Variants in FDX1 observed in about 807,000 individuals in gnomAD.
The protein encoded by FDX1 is ferredoxin 1, also known as adrenodoxin, mitochondrial.
In FDX1, 9 loss-of-function variants were observed where a neutral mutation model predicts 14.9. The ratio of observed to expected loss-of-function variants is 0.60; its 90% CI spans 0.36 to 1.05. The LOEUF is 1.05. FDX1 is among the 50% of genes least tolerant of loss of function. The probability of loss-of-function intolerance (pLI) is 0.01; values close to 1 mark genes in which losing one functional copy is unlikely to be tolerated. For synonymous variants in FDX1, 92 were observed against 99.4 expected, an observed-to-expected ratio of 0.93 and a Z score of 0.44; for missense variants, 204 against 237.2, an observed-to-expected ratio of 0.86 and a Z score of 0.92.
intron 2 of FDX1, among the ~76,000 whole-genome samples, chr11:110,446,457 C>T (rs1946450769): frequency 6.6e-6 from 1 of 152,204 alleles, no homozygotes; most frequent in Non-Finnish European, 1.5e-5. Context: ...CTTAAATTTA[C>T]ATCCTTAGCT....
At chr11:110,444,663 T>TATATAC (rs1190066293) in intron 2 of FDX1, among the ~76,000 whole-genome samples, 1 of 68,692 alleles carries the variant, frequency 1.5e-5, no homozygotes, top group Non-Finnish European at 2.5e-5. Flanking sequence ...TATATATATA[T>TATATAC]ACGTATATAT....
chr11:110,451,549 C>T (rs1394780952), intron 2 of FDX1, among the ~76,000 whole-genome samples: 1 of 152,118 alleles, frequency 6.6e-6, no homozygotes, highest in Non-Finnish European at 1.5e-5. Context: ...AGATTTAGAA[C>T]TGGAAATACA....
chr11:110,430,639 G>A (rs1215928425), intron 1 of FDX1, among the ~76,000 whole-genome samples: 18 of 152,226 alleles, frequency 1.2e-4, no homozygotes, highest in Admixed American at 1.2e-3. Context: ...TTCTCCGTGT[G>A]ATTTGTCTGG....
At chr11:110,444,687 CGTATATAT>C (rs1946431798) in intron 2 of FDX1, among the ~76,000 whole-genome samples, 1 of 29,530 alleles carries the variant, frequency 3.4e-5, no homozygotes, top group African/African-American at 2.1e-4. Context: ...TATATATACA[CGTATATAT>C]ATATATATAC....
intron 2 of FDX1, among the ~76,000 whole-genome samples, chr11:110,436,593 C>T (rs1404453925): frequency 6.8e-6 from 1 of 146,940 alleles, no homozygotes; most frequent in African/African-American, 2.5e-5. Flanking sequence ...CGCCCCCACC[C>T]CCGCCCCAGA....
At chr11:110,444,698 A>ATATACGTATATATATG (rs1946433306) in intron 2 of FDX1, among the ~76,000 whole-genome samples, 2 of 64,918 alleles carry the variant, frequency 3.1e-5, no homozygotes, top group Non-Finnish European at 5.7e-5. Flanking sequence ...GTATATATAT[A>ATATACGTATATATATG]TATATACGTA....
At chr11:110,444,641 T>C (rs1378930691) in intron 2 of FDX1, among the ~76,000 whole-genome samples, 2 of 115,644 alleles carry the variant, frequency 1.7e-5, no homozygotes, top group Non-Finnish European at 3.3e-5. Flanking sequence ...TATGTGTGTG[T>C]GTGTGTGTGT....
At position 110,430,015 on chromosome 11, in the gene FDX1, C is replaced by T. The variant is rs374764831; in HGVS notation, c.-106C>T. The stretch of plus-strand genomic sequence containing the variant: ...CACTCCAGCCCCGCGCCCCTCGCCG[C>T]GGCCCTCGGGCGTCTGCGCCGCAGC... On this transcript the variant is annotated 5_prime_UTR_variant, in exon 1 of 4. Coordinates refer to ENST00000260270, the MANE Select transcript of FDX1 (RefSeq NM_004109.5). 6.3e-3 allele frequency: 5,035 copies of T among 802,620 alleles called. 136 individuals are homozygous for T. The African/African-American group carries it at 0.07, about 11-fold the overall frequency. The allele number at this position is 802,620 out of a possible 1,614,324, so 49.7% of individuals were successfully genotyped here. A position where few individuals can be genotyped will look rare whatever the true frequency, so the allele number is the denominator to read the frequency against.
chr11:110,435,204 C>T (rs1450604844), intron 1 of FDX1, among the ~76,000 whole-genome samples: 2 of 151,904 alleles, frequency 1.3e-5, no homozygotes, highest in African/African-American at 4.8e-5. Flanking sequence ...GATCACATCA[C>T]CACACCTGGC....
intron 2 of FDX1, among the ~76,000 whole-genome samples, chr11:110,442,466 T>C (rs967596524): frequency 1.3e-5 from 2 of 152,222 alleles, no homozygotes; most frequent in African/African-American, 4.8e-5. Flanking sequence ...CAGTGTGACC[T>C]GGATGTGAGA....
intron 2 of FDX1, among the ~76,000 whole-genome samples, chr11:110,440,919 A>T (rs904711875): frequency 6.6e-6 from 1 of 152,196 alleles, no homozygotes; most frequent in Non-Finnish European, 1.5e-5. Context: ...TCCACACCCA[A>T]ATCTCATCTT....
chr11:110,430,798 G>C (rs1292031783), intron 1 of FDX1, among the ~76,000 whole-genome samples: 1 of 152,154 alleles, frequency 6.6e-6, no homozygotes, highest in Non-Finnish European at 1.5e-5. Context: ...TTTGTCAGGG[G>C]GTGTCCAGGT....
At chr11:110,441,906 T>C (rs1946406702) in intron 2 of FDX1, among the ~76,000 whole-genome samples, 1 of 152,184 alleles carries the variant, frequency 6.6e-6, no homozygotes, top group Admixed American at 6.5e-5. Context: ...AGTGGTTTTG[T>C]GGGCTGGGCC....
chr11:110,451,870 C>T (rs1262864309), intron 2 of FDX1, among the ~76,000 whole-genome samples: 1 of 152,198 alleles, frequency 6.6e-6, no homozygotes, highest in African/African-American at 2.4e-5. Flanking sequence ...CTTACGTATA[C>T]CACATTTTCT....
chr11:110,457,052 G>T lies in FDX1; in HGVS notation c.440+5G>T. ...GGCATATGGACTAACAGACAGGTAA[G>T]ATTTTTGGACTGCTTCAATTGTAAT... On this transcript the variant is annotated splice_donor_5th_base_variant and intron_variant, in intron 3 of 3. Transcript: ENST00000260270. The T allele has an allele frequency of 6.2e-7, 1 of 1,608,082 alleles. No homozygotes were observed. The highest frequency in any genetic ancestry group is 8.5e-7 in the Non-Finnish European group (1 of 1,176,204).
chr11:110,444,703 T>TGTATATATATATAC (rs1946433730), intron 2 of FDX1, among the ~76,000 whole-genome samples: 1 of 56,092 alleles, frequency 1.8e-5, no homozygotes, highest in Non-Finnish European at 3.3e-5. Context: ...TATATATATA[T>TGTATATATATATAC]ACGTATATAT....
At position 110,462,659 on chromosome 11, in the gene FDX1, C is replaced by G. The variant is rs1039283940; in HGVS notation, c.*191C>G. On this transcript the variant is annotated 3_prime_UTR_variant, in exon 4 of 4. Transcript: ENST00000260270. ...TGCAATTTTTATTTTGGTTATATTACAAAAATGTCAATCAAATATTAAAAA... is the reference window on the plus strand; with the variant it reads ...TGCAATTTTTATTTTGGTTATATTAGAAAAATGTCAATCAAATATTAAAAA... The G allele has an allele frequency of 4.0e-5, 15 of 371,886 alleles. No individual in the cohort carries two copies. Among genetic ancestry groups the G allele is most frequent in the Non-Finnish European group, 5.3e-5 (11 of 208,378 alleles). The allele number at this position is 371,886 out of a possible 1,614,324, so 23.0% of individuals were successfully genotyped here.
chr11:110,445,552 T>A (rs1946444981), intron 2 of FDX1, among the ~76,000 whole-genome samples: 1 of 152,226 alleles, frequency 6.6e-6, no homozygotes, highest in Non-Finnish European at 1.5e-5. Flanking sequence ...TTTATTTAGC[T>A]ATTTTACAAG....
chr11:110,453,292 C>T (rs535635416), intron 2 of FDX1, among the ~76,000 whole-genome samples: 7 of 151,990 alleles, frequency 4.6e-5, no homozygotes, highest in East Asian at 3.9e-4. Flanking sequence ...GAGCCGAGAT[C>T]GCACCATTAC....
Sources: gnomAD v4.1 joint callset for allele counts (sites outside exome capture counted in the v4.1 genomes callset) on GRCh38, gnomAD v4.1.1 for gene constraint, MANE v1.5 for transcripts, NCBI Gene and HGNC (gene_info 2026-07-23, HGNC 2026-07-21) for gene names.